AK5: variants seen among roughly 807,000 people sequenced by gnomAD.
AK5 encodes adenylate kinase isoenzyme 5.
A neutral mutation model predicts 69.5 loss-of-function variants in AK5; 27 were observed. The ratio of observed to expected loss-of-function variants is 0.39; its 90% confidence interval spans 0.29 to 0.54. AK5 has a LOEUF of 0.54. Among genes scored for constraint, AK5 ranks in the 20% least tolerant of loss-of-function variants. The pLI is 0.71. For missense variants in AK5, 531 were observed against 700.4 expected (o/e 0.76, Z 2.73); for synonymous variants, 260 against 244.4 (o/e 1.06, Z -0.60).
chr1:77,341,435 G>A (rs1394381885), intron 6 of AK5, among the ~76,000 whole-genome samples: 1 of 152,210 alleles, frequency 6.6e-6, no homozygotes, highest in Non-Finnish European at 1.5e-5. Context: ...CGGGCCAGTG[G>A]ACCAAAGAGT....
intron 10 of AK5, among the ~76,000 whole-genome samples, chr1:77,499,955 A>G (rs1160869516): frequency 8.1e-6 from 1 of 122,946 alleles, no homozygotes; most frequent in African/African-American, 3.2e-5. Flanking sequence ...GGCATTCAGT[A>G]TATGTCTTTA....
intron 10 of AK5, among the ~76,000 whole-genome samples, chr1:77,517,083 AG>A (rs1486830407): frequency 1.5e-5 from 2 of 132,128 alleles, no homozygotes; most frequent in South Asian, 2.4e-4. Flanking sequence ...AAAAAAAAAA[AG>A]AAGAAGAAGA....
At chr1:77,409,749 A>T (rs1324383909) in intron 6 of AK5, among the ~76,000 whole-genome samples, 1 of 152,130 alleles carries the variant, frequency 6.6e-6, no homozygotes, top group African/African-American at 2.4e-5. Context: ...GTTTAATTAG[A>T]TCCCACTTGT....
chr1:77,419,855 A>G (rs974601911), intron 8 of AK5, among the ~76,000 whole-genome samples: 2 of 152,196 alleles, frequency 1.3e-5, no homozygotes, highest in Admixed American at 6.6e-5. Context: ...ACAGAGATGA[A>G]TAAGACAAGT....
At chr1:77,326,792 A>G (rs1335284805) in intron 5 of AK5, among the ~76,000 whole-genome samples, 1 of 152,016 alleles carries the variant, frequency 6.6e-6, no homozygotes, top group Non-Finnish European at 1.5e-5. Flanking sequence ...GAGAAATAAC[A>G]CTGTTATTTC....
chr1:77,525,340 G>A (rs543704797), intron 12 of AK5, among the ~76,000 whole-genome samples: 23 of 152,250 alleles, frequency 1.5e-4, no homozygotes, highest in South Asian at 4.1e-4. Context: ...ATGTTAGTCC[G>A]TTCGCATTGC....
intron 7 of AK5, among the ~76,000 whole-genome samples, chr1:77,414,855 AT>A (rs1381013825): frequency 6.6e-6 from 1 of 152,056 alleles, no homozygotes; most frequent in Admixed American, 6.6e-5. Context: ...TTTTCCCTCT[AT>A]TTTTTGTGTC....
At chr1:77,438,205 C>T (rs1191445171) in intron 8 of AK5, among the ~76,000 whole-genome samples, 1 of 139,880 alleles carries the variant, frequency 7.1e-6, no homozygotes, top group Non-Finnish European at 1.5e-5. Flanking sequence ...AAAGCAGATT[C>T]AGAGAAGCAG....
intron 5 of AK5, among the ~76,000 whole-genome samples, chr1:77,331,391 T>C (rs1661079291): frequency 6.6e-6 from 1 of 152,150 alleles, no homozygotes; most frequent in Admixed American, 6.5e-5. Flanking sequence ...GAAGACCTCT[T>C]GAATTCCTAG....
At chr1:77,433,941 A>C (rs1207110764) in intron 8 of AK5, among the ~76,000 whole-genome samples, 3 of 151,430 alleles carry the variant, frequency 2.0e-5, no homozygotes, top group Admixed American at 1.3e-4. Context: ...CTTTGATCTT[A>C]AAGTTATTAG....
chr1:77,302,217 A>T (rs908757267), intron 5 of AK5, among the ~76,000 whole-genome samples: 3 of 3,852 alleles, frequency 7.8e-4, no homozygotes, highest in South Asian at 0.012. Flanking sequence ...TTTTAAGTTA[A>T]AAAAAAAATG....
At chr1:77,289,384 C>T (rs1391624971) in intron 2 of AK5, among the ~76,000 whole-genome samples, 1 of 152,078 alleles carries the variant, frequency 6.6e-6, no homozygotes, top group Non-Finnish European at 1.5e-5. Flanking sequence ...AGCTTACTTC[C>T]CAGGGTGTCG....
rs976706299 is a variant in AK5, at chr1:77,287,139, G to A, written c.247+12G>A. 50 of 1,515,618 alleles carry A rather than the reference G, an allele frequency of 3.3e-5. No homozygotes were observed. Among genetic ancestry groups the A allele is most frequent in the Non-Finnish European group, 4.4e-5 (50 of 1,127,252 alleles). 93.9% of individuals were successfully genotyped at this position (1,515,618 alleles called of 1,614,324 possible). On this transcript the variant is annotated intron_variant, in intron 2 of 13. Coordinates refer to ENST00000354567, the MANE Select transcript of AK5 (RefSeq NM_174858.3). ...CTTTCTAAGAAATGGTAATGTATAT[G>A]GAGAATAATAGACAGTTTTATAGTT...
chr1:77,514,432 A>G (rs566818792), intron 10 of AK5, among the ~76,000 whole-genome samples: 6 of 152,302 alleles, frequency 3.9e-5, no homozygotes, highest in African/African-American at 1.4e-4. Context: ...TTGTTTTTTT[A>G]TTTAAAAGTC....
At chr1:77,442,524 C>G (rs1652391182) in intron 8 of AK5, among the ~76,000 whole-genome samples, 1 of 152,108 alleles carries the variant, frequency 6.6e-6, no homozygotes, top group Non-Finnish European at 1.5e-5. Flanking sequence ...CCTCCAGGTT[C>G]CCAGCTTATC....
At chr1:77,369,323 A>G (rs1033059754) in intron 6 of AK5, among the ~76,000 whole-genome samples, 15 of 152,186 alleles carry the variant, frequency 9.9e-5, no homozygotes, top group Non-Finnish European at 1.6e-4. Context: ...TGAGAAGAGT[A>G]TACATTTTTA....
chr1:77,406,103 A>G (rs1649609407), intron 6 of AK5, among the ~76,000 whole-genome samples: 1 of 147,750 alleles, frequency 6.8e-6, no homozygotes, highest in African/African-American at 2.6e-5. Context: ...GACTGATGAT[A>G]ACTAACAGAT....
intron 8 of AK5, among the ~76,000 whole-genome samples, chr1:77,433,356 T>C (rs1023685189): frequency 1.3e-5 from 2 of 152,232 alleles, no homozygotes; most frequent in Admixed American, 6.5e-5. Context: ...TGTTTAGTTT[T>C]ATCAAATTTT....
At chr1:77,532,722 TCTAA>T (rs1363128230) in intron 12 of AK5, among the ~76,000 whole-genome samples, 16 of 152,206 alleles carry the variant, frequency 1.1e-4, no homozygotes, top group African/African-American at 1.7e-4. Flanking sequence ...GCACTTGTGC[TCTAA>T]CTAAGGTCCC....
Sources: gnomAD v4.1 joint callset for allele counts (sites outside exome capture counted in the v4.1 genomes callset) on GRCh38, gnomAD v4.1.1 for gene constraint, MANE v1.5 for transcripts, NCBI Gene and HGNC (gene_info 2026-07-23, HGNC 2026-07-21) for gene names.